UBE2G1: variants seen among roughly 807,000 people sequenced by gnomAD.
UBE2G1 encodes ubiquitin conjugating enzyme E2 G1, also known as ubiquitin-conjugating enzyme E2 G1.
A neutral mutation model predicts 22.7 loss-of-function variants in UBE2G1; 5 were observed. The ratio of observed to expected loss-of-function variants is 0.22; its 90% CI spans 0.12 to 0.46. The LOEUF is 0.46. Ranked by LOEUF, UBE2G1 falls within the 20% of genes least tolerant of loss-of-function variation. The pLI, the probability that UBE2G1 is intolerant of heterozygous loss-of-function variation, is 0.99. For missense variants in UBE2G1, 88 were observed against 203.9 expected (o/e 0.43, Z 3.46); for synonymous variants, 74 against 67.5 (o/e 1.10, Z -0.47).
At chr17:4,351,833 T>G (rs1315186921) in intron 1 of UBE2G1, among the ~76,000 whole-genome samples, 1 of 152,168 alleles carries the variant, frequency 6.6e-6, no homozygotes, top group Non-Finnish European at 1.5e-5. Flanking sequence ...AATAAGTAAT[T>G]TAGTTTTAGA....
At chr17:4,292,703 C>T (rs1317399343) in intron 3 of UBE2G1, among the ~76,000 whole-genome samples, 1 of 152,204 alleles carries the variant, frequency 6.6e-6, no homozygotes, top group African/African-American at 2.4e-5. Context: ...TTCTCTCAGT[C>T]ACTTTCTAGT....
intron 5 of UBE2G1, among the ~76,000 whole-genome samples, chr17:4,281,118 A>G (rs1033028072): frequency 2.0e-5 from 3 of 152,208 alleles, no homozygotes; most frequent in African/African-American, 7.2e-5. Flanking sequence ...GCCACCCTCT[A>G]TAACAGAAAA....
intron 4 of UBE2G1, among the ~76,000 whole-genome samples, chr17:4,285,775 C>T (rs1968955845): frequency 6.6e-6 from 1 of 151,924 alleles, no homozygotes; most frequent in African/African-American, 2.4e-5. Flanking sequence ...CATGGTGAAA[C>T]CCCATCTCTA....
chr17:4,305,960 T>C (rs1221735354), intron 2 of UBE2G1, among the ~76,000 whole-genome samples: 2 of 152,364 alleles, frequency 1.3e-5, no homozygotes, highest in African/African-American at 4.8e-5. Flanking sequence ...GAAATATTTT[T>C]AAACTCTATT....
chr17:4,338,286 AAGT>A (rs2143791127), intron 1 of UBE2G1, among the ~76,000 whole-genome samples: 1 of 152,336 alleles, frequency 6.6e-6, no homozygotes, highest in South Asian at 2.1e-4. Flanking sequence ...ACTGAAAAGG[AAGT>A]AAGATAATAG....
At chr17:4,289,755 C>T (rs968283058) in intron 3 of UBE2G1, among the ~76,000 whole-genome samples, 1 of 152,124 alleles carries the variant, frequency 6.6e-6, no homozygotes, top group African/African-American at 2.4e-5. Context: ...TCTTCATTTG[C>T]AGAAAGCATA....
chr17:4,294,390 T>C (rs541012312), intron 3 of UBE2G1, among the ~76,000 whole-genome samples: 4 of 136,092 alleles, frequency 2.9e-5, no homozygotes, highest in Non-Finnish European at 6.0e-5. Flanking sequence ...CATTCCAGCC[T>C]GGGCGAGACA....
intron 1 of UBE2G1, among the ~76,000 whole-genome samples, chr17:4,320,213 G>A (rs1969422093): frequency 6.6e-6 from 1 of 152,082 alleles, no homozygotes; most frequent in Non-Finnish European, 1.5e-5. Context: ...AAAATGGGAA[G>A]GGAATGGAGG....
chr17:4,298,050 G>A (rs1969131407), intron 2 of UBE2G1, among the ~76,000 whole-genome samples: 1 of 152,188 alleles, frequency 6.6e-6, no homozygotes, highest in African/African-American at 2.4e-5. Flanking sequence ...GTGGCAGAAG[G>A]AAAATATCTA....
At chr17:4,294,977 A>C (rs1042957361) in intron 3 of UBE2G1, among the ~76,000 whole-genome samples, 1 of 144,222 alleles carries the variant, frequency 6.9e-6, no homozygotes, top group Non-Finnish European at 1.5e-5. Flanking sequence ...GGGGAAAAGG[A>C]GGGGCAGAGT....
chr17:4,280,642 C>CT (rs1232677197), intron 5 of UBE2G1, among the ~76,000 whole-genome samples: 5,224 of 136,982 alleles, frequency 0.038, 262 homozygotes, highest in African/African-American at 0.12. Context: ...GGCTGGGAAT[C>CT]TTTTTTTTTT....
intron 2 of UBE2G1, among the ~76,000 whole-genome samples, chr17:4,306,041 TAGTC>T (rs1173593505): frequency 1.3e-5 from 2 of 152,216 alleles, no homozygotes; most frequent in African/African-American, 4.8e-5. Context: ...TAACAATTAA[TAGTC>T]AGTTAATAGA....
At chr17:4,355,167 A>G (rs938000692) in intron 1 of UBE2G1, among the ~76,000 whole-genome samples, 2 of 151,732 alleles carry the variant, frequency 1.3e-5, no homozygotes, top group South Asian at 2.1e-4. Context: ...ACGACCAGCT[A>G]ATTTTTGTAT....
chr17:4,346,244 T>G (rs1598202347), intron 1 of UBE2G1, among the ~76,000 whole-genome samples: 1 of 152,126 alleles, frequency 6.6e-6, no homozygotes, highest in East Asian at 1.9e-4. Flanking sequence ...TCACTCAGAC[T>G]AAAAGCCTAA....
chr17:4,366,211 C>T, intron 1 of UBE2G1, 60 bp downstream of exon 1: 4 of 1,481,152 alleles, frequency 2.7e-6, no homozygotes, highest in Non-Finnish European at 3.6e-6. Flanking sequence ...AGAAGAGGGA[C>T]TGGGCTGCGG....
At chr17:4,328,265 T>G (rs576490457) in intron 1 of UBE2G1, among the ~76,000 whole-genome samples, 169 of 150,678 alleles carry the variant, frequency 1.1e-3, no homozygotes, top group African/African-American at 4.1e-3. Context: ...AAAAACTAAG[T>G]AAACAAAATG....
At chr17:4,357,728 A>T (rs1318484740) in intron 1 of UBE2G1, among the ~76,000 whole-genome samples, 1 of 152,020 alleles carries the variant, frequency 6.6e-6, no homozygotes, top group African/African-American at 2.4e-5. Context: ...GACCACCCAT[A>T]AAGAAGGACA....
At chr17:4,364,810 GTCC>G (rs1474632741) in intron 1 of UBE2G1, among the ~76,000 whole-genome samples, 6 of 144,424 alleles carry the variant, frequency 4.2e-5, no homozygotes, top group Non-Finnish European at 9.1e-5. Context: ...CTGAACTCCT[GTCC>G]TAAGGTGATC....
chr17:4,330,993 C>CACACACACACACAT (rs1305889193), intron 1 of UBE2G1, among the ~76,000 whole-genome samples: 1 of 151,826 alleles, frequency 6.6e-6, no homozygotes, highest in Non-Finnish European at 1.5e-5. Flanking sequence ...CACACACACA[C>CACACACACACACAT]ACACACACAC....
Sources: gnomAD v4.1 joint callset for allele counts (sites outside exome capture counted in the v4.1 genomes callset) on GRCh38, gnomAD v4.1.1 for gene constraint, MANE v1.5 for transcripts, NCBI Gene and HGNC (gene_info 2026-07-23, HGNC 2026-07-21) for gene names.